Variants in INPP4A observed in about 807,000 individuals in gnomAD.
INPP4A encodes inositol polyphosphate-4-phosphatase type I A, also known as inositol polyphosphate-4-phosphatase, type I, 107kD.
In INPP4A, 33 loss-of-function variants were observed where a neutral mutation model predicts 119.8. The observed-to-expected ratio is 0.28, with a 90% confidence interval of 0.21 to 0.37. The LOEUF (loss-of-function observed/expected upper bound fraction) is 0.37. Ranked by LOEUF, INPP4A falls within the 10% of genes least tolerant of loss-of-function variation. The pLI, the probability that INPP4A is intolerant of heterozygous loss-of-function variation, is 1.00. For synonymous variants in INPP4A, 496 were observed against 500.7 expected, an observed-to-expected ratio of 0.99 and a Z score of 0.12; for missense variants, 956 against 1,289.9, an observed-to-expected ratio of 0.74 and a Z score of 3.97.
chr2:98,568,946 T>C, intron 22 of INPP4A: 1 of 352,926 alleles, frequency 2.8e-6, no homozygotes, highest in South Asian at 3.8e-5. Context: ...TTTGGTGGCA[T>C]GCATTGTGCA....
At chr2:98,528,805 C>T (rs974693847) in intron 4 of INPP4A, among the ~76,000 whole-genome samples, 3 of 152,160 alleles carry the variant, frequency 2.0e-5, no homozygotes, top group Admixed American at 6.5e-5. Flanking sequence ...CGGCCAGGCG[C>T]AGTGGCTCAC....
At chr2:98,462,838 T>C (rs1673872197) in intron 1 of INPP4A, among the ~76,000 whole-genome samples, 1 of 152,022 alleles carries the variant, frequency 6.6e-6, no homozygotes, top group Non-Finnish European at 1.5e-5. Flanking sequence ...AGACATTTTA[T>C]TTTTTATTTA....
chr2:98,540,558 T>C (rs1369970988), intron 10 of INPP4A, among the ~76,000 whole-genome samples: 3 of 152,244 alleles, frequency 2.0e-5, no homozygotes, highest in African/African-American at 7.2e-5. Flanking sequence ...GAGTAACTTC[T>C]AATGATCAGA....
intron 1 of INPP4A, among the ~76,000 whole-genome samples, chr2:98,457,422 T>C (rs1354948238): frequency 6.6e-6 from 1 of 152,160 alleles, no homozygotes; most frequent in Non-Finnish European, 1.5e-5. Context: ...CAGGATTACA[T>C]GAGCTATGAC....
At chr2:98,474,529 A>G (rs1158890727) in intron 1 of INPP4A, among the ~76,000 whole-genome samples, 3 of 152,210 alleles carry the variant, frequency 2.0e-5, no homozygotes, top group Non-Finnish European at 2.9e-5. Context: ...GGGGAGAGCC[A>G]GAGCAGGTGA....
chr2:98,476,916 T>TGTCCTTGATCC (rs1237790648), intron 1 of INPP4A, among the ~76,000 whole-genome samples: 6 of 152,262 alleles, frequency 3.9e-5, no homozygotes, highest in Non-Finnish European at 7.3e-5. Context: ...CCTTCCTTGC[T>TGTCCTTGATCC]GTCCTTGATC....
chr2:98,521,860 TAGGAGTTTG>T (rs2105761379), intron 4 of INPP4A: 1 of 151,894 alleles, frequency 6.6e-6, no homozygotes, highest in East Asian at 1.9e-4. Flanking sequence ...CCCTTGAGCC[TAGGAGTTTG>T]AGACTGCAGT....
chr2:98,494,718 AAG>A (rs1681580145), intron 1 of INPP4A, among the ~76,000 whole-genome samples: 1 of 152,260 alleles, frequency 6.6e-6, no homozygotes, highest in African/African-American at 2.4e-5. Flanking sequence ...AGAGACAGTA[AAG>A]AGTGTCTGGG....
intron 1 of INPP4A, among the ~76,000 whole-genome samples, chr2:98,482,436 C>T (rs1360332064): frequency 6.6e-6 from 1 of 152,204 alleles, no homozygotes; most frequent in Non-Finnish European, 1.5e-5. Context: ...TGGGGCCCTG[C>T]AAGGAGGGCA....
intron 1 of INPP4A, among the ~76,000 whole-genome samples, chr2:98,491,513 A>T (rs894914231): frequency 3.9e-5 from 6 of 152,220 alleles, no homozygotes; most frequent in Non-Finnish European, 8.8e-5. Flanking sequence ...AAAGCTGATT[A>T]CCTGGTGGCA....
chr2:98,495,115 A>G (rs1681670112), intron 1 of INPP4A, among the ~76,000 whole-genome samples: 1 of 152,228 alleles, frequency 6.6e-6, no homozygotes, highest in African/African-American at 2.4e-5. Context: ...GGCTTGTAGT[A>G]TCCAGAGTTG....
chr2:98,552,792 A>T lies in INPP4A; in HGVS notation c.1170A>T (p.Ser390=). Residue 390 remains serine (S), a synonymous_variant, in exon 14 of 25, where the codon TCA becomes TCT. Transcript: ENST00000409851. ...CCATTCTTATCCTTTCCAGTACATC[A>T]TCTGGCTGCCAGTCCATAATCTACA... ...HKFEETKKHT[S]SGCQSIIYIP... The T allele has an allele frequency of 6.2e-7, 1 of 1,612,056 alleles. No homozygotes were observed. The highest frequency in any genetic ancestry group is 1.1e-5 in the South Asian group (1 of 90,978).
At chr2:98,485,952 A>C (rs1679449823) in intron 1 of INPP4A, among the ~76,000 whole-genome samples, 1 of 152,152 alleles carries the variant, frequency 6.6e-6, no homozygotes, top group African/African-American at 2.4e-5. Flanking sequence ...CTGCTTGTTC[A>C]AATAAGGGGA....
chr2:98,459,945 C>A (rs1264682432), intron 1 of INPP4A, among the ~76,000 whole-genome samples: 3 of 152,188 alleles, frequency 2.0e-5, no homozygotes, highest in African/African-American at 7.2e-5. Context: ...CAGGGAGAAA[C>A]CAGAACTGTC....
intron 11 of INPP4A, among the ~76,000 whole-genome samples, chr2:98,545,083 C>T (rs1166963747): frequency 6.6e-6 from 1 of 152,206 alleles, no homozygotes; most frequent in African/African-American, 2.4e-5. Context: ...GCCTTTCTCA[C>T]AGGCTCTCGG....
At chr2:98,537,328 C>T (rs1176058428) in intron 7 of INPP4A, among the ~76,000 whole-genome samples, 3 of 152,230 alleles carry the variant, frequency 2.0e-5, no homozygotes, top group Non-Finnish European at 4.4e-5. Flanking sequence ...CAGGGTAAAG[C>T]TGACTGAGGC....
rs1379597817 is a variant in INPP4A at position 98,587,896 on chromosome 2, C to G, written c.*288C>G. On this transcript the variant is annotated 3_prime_UTR_variant, in exon 25 of 25. Transcript: ENST00000409851. ...ACTACACAGATCTCATCAATAGTTA[C>G]CTACATGAATCAAGCTAGGTTTGTC... 4 of 274,848 alleles carry G rather than the reference C, an allele frequency of 1.5e-5. No homozygotes were observed. Among genetic ancestry groups the G allele is most frequent in the Non-Finnish European group, 2.7e-5 (4 of 147,240 alleles). 17.0% of individuals were successfully genotyped at this position (274,848 alleles called of 1,614,324 possible).
intron 10 of INPP4A, among the ~76,000 whole-genome samples, chr2:98,543,335 C>G (rs922191036): frequency 5.9e-5 from 9 of 152,176 alleles, no homozygotes; most frequent in Non-Finnish European, 1.3e-4. Context: ...CTGCGGCTCC[C>G]CTATCCGGGA....
chr2:98,473,172 AGT>A (rs1305530450), intron 1 of INPP4A, among the ~76,000 whole-genome samples: 2 of 148,418 alleles, frequency 1.3e-5, no homozygotes, highest in African/African-American at 5.0e-5. Flanking sequence ...TGCAGTGGAG[AGT>A]GAGGAGGGCA....
Sources: allele counts gnomAD v4.1 joint callset (sites outside exome capture counted in the v4.1 genomes callset), GRCh38; gene constraint gnomAD v4.1.1; transcripts MANE v1.5; gene names NCBI Gene and HGNC (gene_info 2026-07-23, HGNC 2026-07-21).